The following LDHC variants were observed in gnomAD, a reference collection of about 807,000 sequenced individuals.
LDHC encodes the protein lactate dehydrogenase C.
A neutral mutation model predicts 30.2 loss-of-function variants in LDHC; 20 were observed. That is an observed-to-expected ratio of 0.66 (90% CI 0.47 to 0.96). The LOEUF (loss-of-function observed/expected upper bound fraction) is 0.96. Ranked by LOEUF, LDHC falls within the 40% of genes least tolerant of loss-of-function variation. LDHC has a pLI of 0.00. For synonymous variants in LDHC, 139 were observed against 132.7 expected, an observed-to-expected ratio of 1.05 and a Z score of -0.32; for missense variants, 362 against 394.9, an observed-to-expected ratio of 0.92 and a Z score of 0.71.
At chr11:18,443,262 A>C (rs1848496688) in intron 6 of LDHC, among the ~76,000 whole-genome samples, 1 of 152,034 alleles carries the variant, frequency 6.6e-6, no homozygotes, top group African/African-American at 2.4e-5. Context: ...AGTCTCCAAT[A>C]AATGCAGGGA....
At chr11:18,424,665 A>G (rs1254418014) in intron 3 of LDHC, among the ~76,000 whole-genome samples, 2 of 152,200 alleles carry the variant, frequency 1.3e-5, no homozygotes, top group African/African-American at 4.8e-5. Context: ...TCAGATACAT[A>G]ATATTTAGTT....
chr11:18,432,202 T>C (rs1848278466), intron 4 of LDHC, among the ~76,000 whole-genome samples: 2 of 152,240 alleles, frequency 1.3e-5, no homozygotes, highest in Non-Finnish European at 2.9e-5. Context: ...TTAATTTCTA[T>C]CTTGATTTCA....
At chr11:18,444,606 A>G (rs1489427224) in intron 6 of LDHC, among the ~76,000 whole-genome samples, 19 of 11,854 alleles carry the variant, frequency 1.6e-3, no homozygotes, top group African/African-American at 0.013. Flanking sequence ...TTCAGGTGGT[A>G]TATATATATA....
rs1213348437 is a variant in LDHC at position 18,450,945 on chromosome 11, T to A, written c.835-18T>A. The A allele has an allele frequency of 3.2e-6, 5 of 1,557,412 alleles. No homozygotes were observed. Among genetic ancestry groups the A allele is most frequent in the Non-Finnish European group, 4.3e-6 (5 of 1,151,056 alleles). ...TCCATATCAGGTTATTTGAACAATA[T>A]CTTATCTTGCCTTTCAGGGATTATA... On this transcript the variant is annotated intron_variant, in intron 7 of 7. Transcript: ENST00000541669.
intron 4 of LDHC, among the ~76,000 whole-genome samples, chr11:18,432,024 C>CT: frequency 1.3e-5 from 2 of 151,842 alleles, no homozygotes; most frequent in South Asian, 4.2e-4. Flanking sequence ...TTGGTTTGTT[C>CT]TTGTTTCTCT....
chr11:18,418,154 G>A (rs2134047346), intron 3 of LDHC, among the ~76,000 whole-genome samples: 1 of 151,550 alleles, frequency 6.6e-6, no homozygotes, highest in South Asian at 2.1e-4. Context: ...AATGTTGAAT[G>A]TGGTGTTTAC....
intron 5 of LDHC, among the ~76,000 whole-genome samples, chr11:18,436,983 G>C (rs1402144218): frequency 6.6e-6 from 1 of 152,078 alleles, no homozygotes; most frequent in Non-Finnish European, 1.5e-5. Flanking sequence ...AGGTTGGCCA[G>C]TTGTGTTGCT....
intron 7 of LDHC, among the ~76,000 whole-genome samples, chr11:18,447,386 C>T (rs570363893): frequency 2.0e-4 from 31 of 152,290 alleles, no homozygotes; most frequent in African/African-American, 7.2e-4. Context: ...CTGCCTGCCT[C>T]AGCCTCCCAA....
In LDHC at chr11:18,434,842, T is replaced by C. The variant is rs759454589; in HGVS notation, c.521T>C (p.Ile174Thr). 6 of 1,612,996 alleles carry C rather than the reference T, an allele frequency of 3.7e-6. No individual in the cohort carries two copies. Among genetic ancestry groups the C allele is most frequent in the Non-Finnish European group, 5.1e-6 (6 of 1,179,078 alleles). Reference protein sequence around the residue: ...NLDSARFRYLIGEKLGVHPTS... With the variant: ...NLDSARFRYLTGEKLGVHPTS... Reference sequence around the variant, plus strand: ...GACTCTGCCCGTTTCCGTTACCTAATTGGAGAAAAGTTGGGTGTCCACCCC... The same window carrying C: ...GACTCTGCCCGTTTCCGTTACCTAACTGGAGAAAAGTTGGGTGTCCACCCC... The change falls in exon 5 of 8, where the codon ATT becomes ACT. Residue 174 changes from isoleucine to threonine, a missense_variant. Physicochemically the swap from Ile to Thr is moderately conservative, Grantham distance 89. Transcript: ENST00000541669.
intron 6 of LDHC, among the ~76,000 whole-genome samples, chr11:18,439,834 A>AAC (rs1049131779): frequency 6.7e-6 from 1 of 148,770 alleles, no homozygotes; most frequent in Non-Finnish European, 1.5e-5. Flanking sequence ...AAAAAAAAAA[A>AAC]AACAAAAATT....
chr11:18,434,388 C>A (rs73438656), intron 4 of LDHC, among the ~76,000 whole-genome samples: 23,240 of 151,988 alleles, frequency 0.15, 1,997 homozygotes, highest in African/African-American at 0.23. Flanking sequence ...GACGAGCCTT[C>A]TTTTGTTATA....
Position 18,412,714 on chromosome 11 carries a change from C to G in LDHC, c.-4C>G, listed in dbSNP as rs1188503880. 6.2e-7 allele frequency: 1 copy of G among 1,613,296 alleles called. No homozygotes were observed. Among genetic ancestry groups the G allele is most frequent in the East Asian group, 2.2e-5 (1 of 44,864 alleles). On this transcript the variant is annotated 5_prime_UTR_variant, in exon 2 of 8. Coordinates refer to ENST00000541669, the MANE Select transcript of LDHC (RefSeq NM_017448.5). ...AATTGCATTATCCCTATCAGGTTCT[C>G]CAAATGTCAACTGTCAAGGAGCAGC... is the stretch of plus-strand genomic sequence containing the variant.
intron 3 of LDHC, among the ~76,000 whole-genome samples, chr11:18,419,232 T>C (rs1867076306): frequency 6.6e-6 from 1 of 152,142 alleles, no homozygotes; most frequent in African/African-American, 2.4e-5. Context: ...CAGACAATAA[T>C]ACATAAGCAA....
intron 3 of LDHC, among the ~76,000 whole-genome samples, chr11:18,425,942 GA>G (rs113905566): frequency 6.8e-6 from 1 of 146,544 alleles, no homozygotes; most frequent in Non-Finnish European, 1.5e-5. Context: ...CTCTGTCTCA[GA>G]AAAAAAAAGA....
chr11:18,424,878 C>T (rs1021527840), intron 3 of LDHC, among the ~76,000 whole-genome samples: 12 of 152,000 alleles, frequency 7.9e-5, no homozygotes, highest in African/African-American at 2.2e-4. Context: ...TGTGGTGGCA[C>T]GTGCCTGTAA....
At chr11:18,432,836 G>A (rs549502609) in intron 4 of LDHC, among the ~76,000 whole-genome samples, 8 of 152,112 alleles carry the variant, frequency 5.3e-5, no homozygotes, top group Non-Finnish European at 1.0e-4. Context: ...ACCCCTTTAT[G>A]TGAGTCCTTG....
At chr11:18,413,817 G>T (rs976069276) in intron 2 of LDHC, among the ~76,000 whole-genome samples, 2 of 152,122 alleles carry the variant, frequency 1.3e-5, no homozygotes. Context: ...TCTGGCTATT[G>T]AAATCTGAAT....
At chr11:18,436,481 GT>G (rs35976847) in intron 5 of LDHC, among the ~76,000 whole-genome samples, 11,054 of 107,552 alleles carry the variant, frequency 0.1, 265 homozygotes, top group African/African-American at 0.2. Context: ...ATAATACAAA[GT>G]TTTTTTTTTT....
chr11:18,439,473 G>T (rs1358482131), intron 6 of LDHC, among the ~76,000 whole-genome samples: 1 of 141,484 alleles, frequency 7.1e-6, no homozygotes, highest in Non-Finnish European at 1.5e-5. Flanking sequence ...TGAGGCAGGA[G>T]AATCACTGGA....
Sources: gnomAD v4.1 joint callset for allele counts (sites outside exome capture counted in the v4.1 genomes callset) on GRCh38, gnomAD v4.1.1 for gene constraint, MANE v1.5 for transcripts, NCBI Gene and HGNC (gene_info 2026-07-23, HGNC 2026-07-21) for gene names.